Variants in SELENOW observed in about 807,000 individuals in gnomAD.
SELENOW encodes selenoprotein W, 1.
In SELENOW, 20 loss-of-function variants were observed where a neutral mutation model predicts 16.6. The observed-to-expected ratio is 1.21, with a 90% CI of 0.85 to 1.76. The LOEUF (loss-of-function observed/expected upper bound fraction) is 1.76, where lower values mean the gene tolerates loss of function less well. Among genes scored for constraint, SELENOW ranks in the 40% most tolerant of loss-of-function variants. The pLI is 0.00. For synonymous variants in SELENOW, 44 were observed against 46.2 expected, an observed-to-expected ratio of 0.95 and a Z score of 0.19; for missense variants, 124 against 111.0, an observed-to-expected ratio of 1.12 and a Z score of -0.53.
At chr19:47,781,264 C>T (rs1375753151) in intron 4 of SELENOW, 26 bp from the exon 5 acceptor site, 1 of 1,606,602 alleles carries the variant, frequency 6.2e-7, no homozygotes, top group East Asian at 2.2e-5. Context: ...CCCAGCTCAC[C>T]CCTTCCCTCT....
chr19:47,780,058 G>T (rs1967454265), intron 1 of SELENOW: 1 of 447,390 alleles, frequency 2.2e-6, no homozygotes, highest in Non-Finnish European at 4.5e-6. Context: ...ATAGCCTGCT[G>T]TGGGGGTTGG....
At chr19:47,779,148 CT>C in intron 1 of SELENOW, 1 of 326,430 alleles carries the variant, frequency 3.1e-6, no homozygotes, top group Non-Finnish European at 5.7e-6. Flanking sequence ...CTCCTCCACC[CT>C]AAGGCTTCCC....
rs780932218 is a variant in SELENOW, at chr19:47,781,135, G to A, written c.136G>A (p.Gly46Arg). Reference protein sequence around the residue: ...ICGEGTPQATGFFEVMVAGKL... With the variant: ...ICGEGTPQATRFFEVMVAGKL... ...CGGCGAGGGAACTCCCCAGGCCACC[G>A]GGTTCTTTGAAGTGATGGTAGCCGG... The change falls in exon 4 of 6, where the codon GGG (glycine) becomes AGG (arginine). Residue 46 changes from glycine (G) to arginine (R), a missense_variant. Transcript: ENST00000601048. The A allele has an allele frequency of 9.4e-5, 151 of 1,613,682 alleles. No individual in the cohort carries two copies. The South Asian group carries it at 1.5e-3, about 16-fold the overall frequency.
At position 47,780,383 on chromosome 19, in the gene SELENOW, T is replaced by A. The variant is rs1967458873; in HGVS notation, c.30-342T>A. ...CTTCTCCTAATCCAGTTCTCCTGGT[T>A]TTCCCCCGTCCCCGTCTCTCGTATT... On this transcript the variant is annotated intron_variant, in intron 1 of 5. Coordinates refer to ENST00000601048, the MANE Select transcript of SELENOW (RefSeq NM_003009.4). 1.4e-5 allele frequency: 6 copies of A among 420,446 alleles called. No individual in the cohort carries two copies. In the Admixed American group the frequency reaches 1.8e-4, roughly 13 times the overall value. The allele number at this position is 420,446 out of a possible 1,614,324, so 26.0% of individuals were successfully genotyped here.
rs191265330 is a variant in SELENOW at position 47,784,668 on chromosome 19, T to G, written c.*397T>G. ...GCAACCGTTCACGATTCAATAAATA[T>G]TGGATGAATTTAACTGAATGTGCCT... On this transcript the variant is annotated 3_prime_UTR_variant, in exon 6 of 6. Coordinates refer to ENST00000601048, the MANE Select transcript of SELENOW (RefSeq NM_003009.4). The G allele has an allele frequency of 9.2e-5, 14 of 152,284 alleles. No homozygotes were observed. Among genetic ancestry groups the G allele is most frequent in the Admixed American group, 2.6e-4 (4 of 15,290 alleles). 9.4% of individuals were successfully genotyped at this position (152,284 alleles called of 1,614,324 possible). A position where few individuals can be genotyped will look rare whatever the true frequency, so the allele number is the denominator to read the frequency against.
At position 47,781,201 on chromosome 19, in the gene SELENOW, C is replaced by T; in HGVS notation, c.183+19C>T. On this transcript the variant is annotated intron_variant, in intron 4 of 5. Coordinates refer to ENST00000601048, the MANE Select transcript of SELENOW (RefSeq NM_003009.4). ...TAAGAAGGTATGTCTGTCTGTCCGT[C>T]CTGCCTGGTTTTGGGGCTAGCATGG... The T allele has an allele frequency of 1.2e-6, 2 of 1,612,558 alleles. No individual in the cohort carries two copies. Among genetic ancestry groups the T allele is most frequent in the Non-Finnish European group, 1.7e-6 (2 of 1,178,670 alleles).
chr19:47,781,668 T>C, intron 5 of SELENOW: 1 of 469,804 alleles, frequency 2.1e-6, no homozygotes, highest in South Asian at 2.1e-5. Context: ...GAGATGGTGA[T>C]GGGTCAGAGG....
intron 5 of SELENOW, chr19:47,783,402 C>G (rs777737743): frequency 2.6e-5 from 4 of 152,212 alleles, no homozygotes; most frequent in South Asian, 2.1e-4. Context: ...GGGGTTTCAC[C>G]GTGTTAGCCA....
At chr19:47,780,105 T>C (rs1188007913) in intron 1 of SELENOW, 1 of 455,848 alleles carries the variant, frequency 2.2e-6, no homozygotes, top group African/African-American at 2.0e-5. Flanking sequence ...TGGGAAGGTG[T>C]TCAGAATCTA....
intron 5 of SELENOW, chr19:47,782,801 G>T (rs550011744): frequency 1.2e-4 from 19 of 152,402 alleles, no homozygotes; most frequent in Non-Finnish European, 2.6e-4. Flanking sequence ...GATTACAGGC[G>T]TGAGCCACCG....
rs748206063 is a variant in SELENOW, at chr19:47,781,407, C to T, written c.*18+19C>T. 8 of 1,302,434 alleles carry T rather than the reference C, an allele frequency of 6.1e-6. No homozygotes were observed. The African/African-American group carries it at 1.2e-4, about 19-fold the overall frequency. The allele number at this position is 1,302,434 out of a possible 1,614,324, so 80.7% of individuals were successfully genotyped here. ...GGCAGAGGTGAGGGGGCCCACTAGA[C>T]AGGGACACCACCCTTTGGATCTTCT... On this transcript the variant is annotated intron_variant, in intron 5 of 5. Transcript: ENST00000601048.
chr19:47,780,279 G>GT, intron 1 of SELENOW: 1 of 369,698 alleles, frequency 2.7e-6, no homozygotes, highest in African/African-American at 2.1e-5. Flanking sequence ...GAGCCGCAGG[G>GT]TTTTCCTTGG....
Position 47,784,474 on chromosome 19 carries a change from C to G in SELENOW, c.*203C>G, listed in dbSNP as rs1967510174. 1.3e-5 allele frequency: 2 copies of G among 152,660 alleles called. No homozygotes were observed. The highest frequency in any genetic ancestry group is 3.4e-3 in the Middle Eastern group (1 of 296). The allele number at this position is 152,660 out of a possible 1,614,324, so 9.5% of individuals were successfully genotyped here. ...GTATGTGTCTTCCCCGGAATCCACA[C>G]CACCCCACCCTCCTCCTGTCCCGTG... On this transcript the variant is annotated 3_prime_UTR_variant, in exon 6 of 6. Coordinates refer to ENST00000601048, the MANE Select transcript of SELENOW (RefSeq NM_003009.4).
intron 1 of SELENOW, chr19:47,779,155 T>G: frequency 3.3e-6 from 1 of 301,816 alleles, no homozygotes. Flanking sequence ...ACCCTAAGGC[T>G]TCCCCTCCCC....
In SELENOW at chr19:47,780,768, C is replaced by CG. The variant is rs34362700; in HGVS notation, c.54+25dup. On this transcript the variant is annotated intron_variant, in intron 2 of 5. Coordinates refer to ENST00000601048, the MANE Select transcript of SELENOW (RefSeq NM_003009.4). ...GTCCAAGGTAAGCAGAGTGGATGCC[C>CG]GGGGGGCATTCCTGGGAGCTGGGGA... The CG allele has an allele frequency of 0.5, 792,289 of 1,573,110 alleles. 205,074 individuals carry two copies. The highest frequency in any genetic ancestry group is 0.59 in the South Asian group (50,484 of 86,130).
At chr19:47,780,675 C>G in intron 1 of SELENOW, 50 bp from the exon 2 acceptor site, 1 of 1,526,346 alleles carries the variant, frequency 6.6e-7, no homozygotes, top group Non-Finnish European at 8.9e-7. Context: ...CCCGATCCCC[C>G]ACTTCTCCCT....
rs1967509839 is a variant in SELENOW, at chr19:47,784,457, C to T, written c.*186C>T. The T allele has an allele frequency of 6.6e-6, 1 of 152,592 alleles. No homozygotes were observed. Among genetic ancestry groups the T allele is most frequent in the Non-Finnish European group, 1.5e-5 (1 of 68,074 alleles). The allele number at this position is 152,592 out of a possible 1,614,324, so 9.5% of individuals were successfully genotyped here. A position where few individuals can be genotyped will look rare whatever the true frequency, so the allele number is the denominator to read the frequency against. On this transcript the variant is annotated 3_prime_UTR_variant, in exon 6 of 6. Transcript: ENST00000601048. ...AGCGGGAGAGTCTGTGTGTATGTGT[C>T]TTCCCCGGAATCCACACCACCCCAC...
intron 5 of SELENOW, 117 bp downstream of exon 5, chr19:47,781,505 C>T: frequency 1.5e-6 from 1 of 655,902 alleles, no homozygotes; most frequent in Admixed American, 2.4e-5. Context: ...ACGTGTGTCC[C>T]CAGAGCGAGC....
At chr19:47,781,418 C>T (rs1396928803) in intron 5 of SELENOW, 30 bp downstream of exon 5, 2 of 1,193,824 alleles carry the variant, frequency 1.7e-6, no homozygotes, top group African/African-American at 1.5e-5. Flanking sequence ...AGGGACACCA[C>T]CCTTTGGATC....
Sources: gnomAD v4.1 joint callset for allele counts on GRCh38, gnomAD v4.1.1 for gene constraint, MANE v1.5 for transcripts, NCBI Gene and HGNC (gene_info 2026-07-23, HGNC 2026-07-21) for gene names.